Variants in DGLUCY observed in about 807,000 individuals in gnomAD.
DGLUCY encodes the protein D-glutamate cyclase, mitochondrial.
A neutral mutation model predicts 58.5 loss-of-function variants in DGLUCY; 58 were observed. That is an observed-to-expected ratio of 0.99 (90% confidence interval 0.80 to 1.23). DGLUCY has a LOEUF of 1.23. Ranked by LOEUF, DGLUCY falls within the 50% of genes most tolerant of loss-of-function variation. DGLUCY has a pLI of 0.00. For synonymous variants in DGLUCY, 325 were observed against 314.1 expected, an observed-to-expected ratio of 1.03 and a Z score of -0.37; for missense variants, 779 against 784.7, an observed-to-expected ratio of 0.99 and a Z score of 0.09.
At chr14:91,210,938 A>G (rs544370299) in intron 12 of DGLUCY, among the ~76,000 whole-genome samples, 1 of 152,336 alleles carries the variant, frequency 6.6e-6, no homozygotes, top group East Asian at 1.9e-4. Flanking sequence ...TTGCTTGCAG[A>G]TGGCATGATT....
Position 91,225,037 on chromosome 14 carries a change from G to T in DGLUCY, c.*204G>T. 1 of 499,452 alleles carries T rather than the reference G, an allele frequency of 2.0e-6. No individual in the cohort carries two copies. Among genetic ancestry groups the T allele is most frequent in the Admixed American group, 4.0e-5 (1 of 24,706 alleles). The allele number at this position is 499,452 out of a possible 1,614,324, so 30.9% of individuals were successfully genotyped here. A position where few individuals can be genotyped will look rare whatever the true frequency, so the allele number is the denominator to read the frequency against. ...TGGACAAAGGACAACATTTCTCTGGGGCTTTTTAACTTTTATTCCTAAGAC... is the reference window on the plus strand; with the variant it reads ...TGGACAAAGGACAACATTTCTCTGGTGCTTTTTAACTTTTATTCCTAAGAC... On this transcript the variant is annotated 3_prime_UTR_variant, in exon 14 of 14. Transcript: ENST00000256324.
At chr14:91,168,105 A>T (rs935125657) in intron 4 of DGLUCY, among the ~76,000 whole-genome samples, 5 of 150,184 alleles carry the variant, frequency 3.3e-5, no homozygotes, top group Admixed American at 1.3e-4. Flanking sequence ...GTCTCTACAA[A>T]TTTTTTTTTT....
At chr14:91,167,493 G>A (rs1253115026) in intron 4 of DGLUCY, 115 bp downstream of exon 4, 2 of 1,340,100 alleles carry the variant, frequency 1.5e-6, no homozygotes, top group Non-Finnish European at 1.1e-6. Context: ...ACAGTGCCTG[G>A]CACAGAACCT....
intron 12 of DGLUCY, among the ~76,000 whole-genome samples, chr14:91,208,184 T>G (rs1885076424): frequency 6.6e-6 from 1 of 152,218 alleles, no homozygotes; most frequent in South Asian, 2.1e-4. Context: ...TTGAGAGAAT[T>G]TGTTGCCACA....
chr14:91,151,471 C>T lies in DGLUCY; in HGVS notation c.-81-6168C>T, dbSNP rs973436686. 5.3e-5 allele frequency among the ~76,000 whole-genome samples: 8 copies of T among 152,068 alleles called. No homozygotes were observed. The South Asian group carries it at 1.7e-3, about 31-fold the overall frequency. ...CTAGCCAGGATGGTCTCGTCTCGAT[C>T]TCCTGACCTCATGATCCACCTGCCT... On this transcript the variant is annotated intron_variant, in intron 1 of 13. Transcript: ENST00000256324.
intron 9 of DGLUCY, among the ~76,000 whole-genome samples, chr14:91,190,267 G>C (rs866392620): frequency 2.0e-5 from 3 of 152,244 alleles, no homozygotes; most frequent in Middle Eastern, 3.4e-3. Flanking sequence ...GATTACAGGC[G>C]TGAGCCACCG....
chr14:91,066,807 G>A (rs1188738179), intron 1 of DGLUCY, among the ~76,000 whole-genome samples: 6 of 152,016 alleles, frequency 3.9e-5, no homozygotes, highest in Non-Finnish European at 7.4e-5. Context: ...TCGGCCGGGC[G>A]CGGTGGCTCA....
chr14:91,206,088 C>A (rs1884646883), intron 12 of DGLUCY, among the ~76,000 whole-genome samples: 1 of 151,958 alleles, frequency 6.6e-6, no homozygotes, highest in African/African-American at 2.4e-5. Flanking sequence ...GATTTGCCCA[C>A]CTTGGCCTCC....
chr14:91,168,887 G>A (rs372832600), intron 4 of DGLUCY, among the ~76,000 whole-genome samples: 1 of 152,158 alleles, frequency 6.6e-6, no homozygotes, highest in African/African-American at 2.4e-5. Flanking sequence ...AGGAATTCGA[G>A]ACCAGCCTGG....
At chr14:91,223,054 C>G (rs1433879466) in intron 13 of DGLUCY, among the ~76,000 whole-genome samples, 1 of 152,232 alleles carries the variant, frequency 6.6e-6, no homozygotes, top group Non-Finnish European at 1.5e-5. Flanking sequence ...ACCCCACTTT[C>G]AAATTCCAAC....
chr14:91,076,913 T>C (rs1009023992), intron 1 of DGLUCY, among the ~76,000 whole-genome samples: 4 of 152,094 alleles, frequency 2.6e-5, no homozygotes, highest in Non-Finnish European at 5.9e-5. Context: ...ACTAACAGCC[T>C]GGACACAGGG....
chr14:91,217,597 G>A (rs899068324), intron 13 of DGLUCY, among the ~76,000 whole-genome samples: 1 of 150,696 alleles, frequency 6.6e-6, no homozygotes, highest in Non-Finnish European at 1.5e-5. Context: ...CAACTCTCCT[G>A]CCTTAGCCTC....
intron 1 of DGLUCY, among the ~76,000 whole-genome samples, chr14:91,069,645 C>CT (rs564402187): frequency 5.0e-4 from 75 of 151,060 alleles, no homozygotes; most frequent in African/African-American, 1.5e-3. Context: ...ACTTTTCCTT[C>CT]TTTTTTTTTA....
intron 1 of DGLUCY, among the ~76,000 whole-genome samples, chr14:91,100,569 C>G (rs1401200904): frequency 6.6e-6 from 1 of 152,188 alleles, no homozygotes; most frequent in African/African-American, 2.4e-5. Context: ...ATTGACATCA[C>G]TTGCTCAAGC....
intron 1 of DGLUCY, among the ~76,000 whole-genome samples, chr14:91,157,211 A>G (rs1284827972): frequency 7.2e-6 from 1 of 139,570 alleles, no homozygotes; most frequent in African/African-American, 2.9e-5. Flanking sequence ...GGATGAATGA[A>G]TGGGTGGATG....
At chr14:91,077,686 A>C (rs1346247174) in intron 1 of DGLUCY, among the ~76,000 whole-genome samples, 1 of 148,254 alleles carries the variant, frequency 6.7e-6, no homozygotes, top group Non-Finnish European at 1.5e-5. Context: ...CGGGAGGCGG[A>C]GGTTGCAGTG....
intron 1 of DGLUCY, among the ~76,000 whole-genome samples, chr14:91,140,049 C>T (rs1440604102): frequency 6.6e-6 from 1 of 152,184 alleles, no homozygotes; most frequent in African/African-American, 2.4e-5. Flanking sequence ...GATCTTTAAC[C>T]TTTTATGTGT....
intron 1 of DGLUCY, among the ~76,000 whole-genome samples, chr14:91,064,622 CAA>C (rs35830145): frequency 1.0e-4 from 6 of 57,612 alleles, no homozygotes; most frequent in Admixed American, 2.0e-4. Flanking sequence ...GACTCTGTCT[CAA>C]AAAAAAAAAA....
rs543727326 is a variant in DGLUCY at position 91,144,391 on chromosome 14, C to T, written c.-81-13248C>T. Among the ~76,000 whole-genome samples, 5 of 152,250 alleles carry T rather than the reference C, an allele frequency of 3.3e-5. No homozygotes were observed. In the East Asian group the frequency reaches 5.8e-4, roughly 18 times the overall value. ...CCTGACCAATATGGTGAAACCTTGT[C>T]TCTACTAAAGATACAGAAATTAGCT... On this transcript the variant is annotated intron_variant, in intron 1 of 13. Transcript: ENST00000256324.
Sources: allele counts gnomAD v4.1 joint callset (sites outside exome capture counted in the v4.1 genomes callset), GRCh38; gene constraint gnomAD v4.1.1; transcripts MANE v1.5; gene names NCBI Gene and HGNC (gene_info 2026-07-23, HGNC 2026-07-21).